Variants in TMBIM6 observed in about 807,000 individuals in gnomAD.
The protein encoded by TMBIM6 is transmembrane BAX inhibitor motif containing 6.
Under a neutral mutation model 31.4 loss-of-function variants are expected in TMBIM6, and 13 were observed. That is an observed-to-expected ratio of 0.41 (90% CI 0.27 to 0.66). The LOEUF (loss-of-function observed/expected upper bound fraction) is 0.66, where lower values mean the gene tolerates loss of function less well. TMBIM6 is among the 30% of genes least tolerant of loss of function. The pLI, the probability that TMBIM6 is intolerant of heterozygous loss-of-function variation, is 0.28. For missense variants in TMBIM6, 275 were observed against 289.5 expected (o/e 0.95, Z 0.36); for synonymous variants, 85 against 101.7 (o/e 0.84, Z 0.99).
At position 49,742,125 on chromosome 12, in the gene TMBIM6, G is replaced by A. The variant is rs188975176; in HGVS notation, c.-31+514G>A. ...GGAGCCAAGACTCGAGGTAGGGCCT[G>A]GCGGGCGGGTGATGTCACACTCCTC... On this transcript the variant is annotated intron_variant, in intron 1 of 9. Coordinates refer to ENST00000267115, the MANE Select transcript of TMBIM6 (RefSeq NM_003217.3). The A allele has an allele frequency of 5.6e-6, 9 of 1,608,778 alleles. No homozygotes were observed. The East Asian group carries it at 1.6e-4, about 28-fold the overall frequency.
At chr12:49,760,338 T>A (rs902981167) in intron 8 of TMBIM6, among the ~76,000 whole-genome samples, 2 of 151,988 alleles carry the variant, frequency 1.3e-5, no homozygotes, top group African/African-American at 2.4e-5. Flanking sequence ...GCAGCCTGAA[T>A]TTACTGTGCT....
At chr12:49,746,563 A>G (rs1302195652) in intron 1 of TMBIM6, among the ~76,000 whole-genome samples, 1 of 152,208 alleles carries the variant, frequency 6.6e-6, no homozygotes. Flanking sequence ...ATTGTTATGT[A>G]CTAGTATTTT....
chr12:49,752,407 A>AT, intron 1 of TMBIM6, 57 bp from the exon 2 acceptor site: 1 of 1,164,662 alleles, frequency 8.6e-7, no homozygotes, highest in Non-Finnish European at 1.2e-6. Context: ...TTTTTTTTAT[A>AT]AGCTGTTCGT....
Position 49,764,755 on chromosome 12 carries a change from G to A in TMBIM6, c.*1859G>A, listed in dbSNP as rs1043908644. On this transcript the variant is annotated 3_prime_UTR_variant, in exon 10 of 10. Coordinates refer to ENST00000267115, the MANE Select transcript of TMBIM6 (RefSeq NM_003217.3). ...AAAAAAAAAAACACCTACTTTTAAA[G>A]AAAATACCTAACAGATTTTTAATAT... is the stretch of plus-strand genomic sequence containing the variant. 20 of 138,992 alleles carry A rather than the reference G, an allele frequency of 1.4e-4. No homozygotes were observed. The highest frequency in any genetic ancestry group is 2.0e-4 in the Non-Finnish European group (13 of 64,226). The allele number at this position is 138,992 out of a possible 1,614,324, so 8.6% of individuals were successfully genotyped here.
In TMBIM6 at chr12:49,758,286, T is replaced by C. The variant is rs202122646; in HGVS notation, c.335+11T>C. The C allele has an allele frequency of 1.0e-4, 167 of 1,614,206 alleles. No homozygotes were observed. In the African/African-American group the frequency reaches 1.9e-3, roughly 18 times the overall value. On this transcript the variant is annotated intron_variant, in intron 5 of 9. Coordinates refer to ENST00000267115, the MANE Select transcript of TMBIM6 (RefSeq NM_003217.3). ...TGCTGTCAACCCCAGGTAACTCTTT[T>C]GGTAGTGTCTTATGTGCTTTTATCT...
At chr12:49,750,977 C>T (rs1002905671) in intron 1 of TMBIM6, among the ~76,000 whole-genome samples, 2 of 152,196 alleles carry the variant, frequency 1.3e-5, no homozygotes, top group African/African-American at 4.8e-5. Context: ...CCCTTCCTCC[C>T]TGCCCCTCCT....
rs1429864562 is a variant in TMBIM6 at position 49,763,609 on chromosome 12, T to C, written c.*713T>C. On this transcript the variant is annotated 3_prime_UTR_variant, in exon 10 of 10. Transcript: ENST00000267115. ...GGAAAGACTAATTCTTGTCAGGCAT[T>C]TTTGAAAAGGCTGATTATGTGTATC... The C allele has an allele frequency of 1.3e-5, 2 of 152,254 alleles. No individual in the cohort carries two copies. The highest frequency in any genetic ancestry group is 2.9e-5 in the Non-Finnish European group (2 of 68,052). 9.4% of individuals were successfully genotyped at this position (152,254 alleles called of 1,614,324 possible).
At chr12:49,746,788 AAG>A in intron 1 of TMBIM6, among the ~76,000 whole-genome samples, 1 of 152,032 alleles carries the variant, frequency 6.6e-6, no homozygotes, top group African/African-American at 2.4e-5. Flanking sequence ...GAAGAAGAAG[AAG>A]AAAAAAAACT....
rs1945764375 is a variant in TMBIM6, at chr12:49,763,745, C to G, written c.*849C>G. Reference sequence around the variant, plus strand: ...GGTGGCTGTGATTAAATGTCCCAAGCAAGGATAGGGAAGGGGAATGGTTGA... The same window carrying G: ...GGTGGCTGTGATTAAATGTCCCAAGGAAGGATAGGGAAGGGGAATGGTTGA... On this transcript the variant is annotated 3_prime_UTR_variant, in exon 10 of 10. Transcript: ENST00000267115. 6.6e-6 allele frequency: 1 copy of G among 152,124 alleles called. No homozygotes were observed. Among genetic ancestry groups the G allele is most frequent in the South Asian group, 2.1e-4 (1 of 4,828 alleles). The allele number at this position is 152,124 out of a possible 1,614,324, so 9.4% of individuals were successfully genotyped here.
chr12:49,756,140 T>C (rs1280717675), intron 4 of TMBIM6, among the ~76,000 whole-genome samples: 1 of 151,106 alleles, frequency 6.6e-6, no homozygotes, highest in African/African-American at 2.4e-5. Context: ...GCCCTTTTTT[T>C]CCTTTTTTTT....
chr12:49,761,871 T>A, intron 9 of TMBIM6, 92 bp downstream of exon 9: 1 of 1,236,764 alleles, frequency 8.1e-7, no homozygotes, highest in South Asian at 1.3e-5. Context: ...GCTCACACAC[T>A]GTGTTAGGTC....
intron 8 of TMBIM6, among the ~76,000 whole-genome samples, chr12:49,759,533 G>A (rs897789097): frequency 6.6e-6 from 1 of 152,052 alleles, no homozygotes; most frequent in African/African-American, 2.4e-5. Flanking sequence ...GGCCAGGTGT[G>A]GTGGCTCACA....
chr12:49,758,822 T>C, intron 7 of TMBIM6, 60 bp downstream of exon 7: 1 of 1,344,392 alleles, frequency 7.4e-7, no homozygotes, highest in Non-Finnish European at 1.0e-6. Context: ...TCTTTCCTTT[T>C]TTTTTTTTTT....
chr12:49,750,487 A>T (rs1201982297), intron 1 of TMBIM6: 1 of 152,202 alleles, frequency 6.6e-6, no homozygotes, highest in Non-Finnish European at 1.5e-5. Context: ...CAGGTGCTGA[A>T]TTCTGCCATG....
chr12:49,761,683 A>C (rs765066029), intron 8 of TMBIM6, 21 bp from the exon 9 acceptor site: 1 of 1,612,734 alleles, frequency 6.2e-7, no homozygotes, highest in Non-Finnish European at 8.5e-7. Context: ...TACAGATCCT[A>C]ATCTGGTTCT....
chr12:49,752,424 C>T, intron 1 of TMBIM6, 40 bp from the exon 2 acceptor site: 2 of 1,311,852 alleles, frequency 1.5e-6, no homozygotes, highest in South Asian at 1.3e-5. Flanking sequence ...TCGTGTGATT[C>T]TGTATGACTT....
At chr12:49,741,737 C>G (rs144997980) in intron 1 of TMBIM6, 126 bp downstream of exon 1, 6 of 225,556 alleles carry the variant, frequency 2.7e-5, no homozygotes, top group Non-Finnish European at 5.4e-5. Context: ...AGGAACGAGG[C>G]CCTGCTCGGA....
intron 1 of TMBIM6, among the ~76,000 whole-genome samples, chr12:49,749,435 A>ATT (rs372622355): frequency 1.2e-4 from 16 of 136,438 alleles, no homozygotes; most frequent in African/African-American, 4.9e-4. Context: ...TTTGTAAGTC[A>ATT]TTTTTGTTTT....
At chr12:49,747,719 T>C (rs967092231) in intron 1 of TMBIM6, among the ~76,000 whole-genome samples, 1 of 152,206 alleles carries the variant, frequency 6.6e-6, no homozygotes, top group Admixed American at 6.5e-5. Flanking sequence ...TTCTTTGACT[T>C]GCTGTTTTAA....
Sources: allele counts gnomAD v4.1 joint callset (sites outside exome capture counted in the v4.1 genomes callset), GRCh38; gene constraint gnomAD v4.1.1; transcripts MANE v1.5; gene names NCBI Gene and HGNC (gene_info 2026-07-23, HGNC 2026-07-21).